DTNBP1: variants seen among roughly 807,000 people sequenced by gnomAD.
DTNBP1 encodes the protein dystrobrevin binding protein 1.
In DTNBP1, 35 loss-of-function variants were observed where a neutral mutation model predicts 42.8. The observed-to-expected ratio is 0.82, with a 90% CI of 0.63 to 1.09. The LOEUF (loss-of-function observed/expected upper bound fraction) is 1.09, where lower values mean the gene tolerates loss of function less well. Ranked by LOEUF, DTNBP1 falls within the 50% of genes least tolerant of loss-of-function variation. The probability of loss-of-function intolerance (pLI) is 0.00; values close to 1 mark genes in which losing one functional copy is unlikely to be tolerated. For synonymous variants in DTNBP1, 171 were observed against 162.2 expected, an observed-to-expected ratio of 1.05 and a Z score of -0.41; for missense variants, 457 against 424.2, an observed-to-expected ratio of 1.08 and a Z score of -0.68.
rs1449103338 is a variant in DTNBP1 at position 15,524,675 on chromosome 6, G to T, written c.668-6C>A. 16 of 1,612,136 alleles carry T rather than the reference G, an allele frequency of 9.9e-6. No individual in the cohort carries two copies. Among genetic ancestry groups the T allele is most frequent in the African/African-American group, 4.0e-5 (3 of 74,894 alleles). ...TGACATGCTGCCTATGGGCTCTGCG[G>T]ATAGATCAACACGAGAAAGGACACG... On this transcript the variant is annotated splice_polypyrimidine_tract_variant and splice_region_variant and intron_variant, in intron 8 of 9. Transcript: ENST00000344537.
chr6:15,531,875 A>G (rs1772854306), intron 8 of DTNBP1, among the ~76,000 whole-genome samples: 1 of 152,080 alleles, frequency 6.6e-6, no homozygotes, highest in Non-Finnish European at 1.5e-5. Context: ...CTCGTGATCC[A>G]CCCACTTCGG....
chr6:15,646,385 A>C (rs1166559976), intron 3 of DTNBP1, among the ~76,000 whole-genome samples: 1 of 151,996 alleles, frequency 6.6e-6, no homozygotes, highest in Non-Finnish European at 1.5e-5. Flanking sequence ...CACGAATGGA[A>C]AAACATTCCA....
At chr6:15,658,987 T>C (rs1761436528) in intron 1 of DTNBP1, among the ~76,000 whole-genome samples, 1 of 152,146 alleles carries the variant, frequency 6.6e-6, no homozygotes, top group Admixed American at 6.5e-5. Context: ...GACATAATTG[T>C]TACTACGCAT....
chr6:15,536,617 A>G (rs1211546560), intron 7 of DTNBP1, among the ~76,000 whole-genome samples: 1 of 152,254 alleles, frequency 6.6e-6, no homozygotes, highest in South Asian at 2.1e-4. Flanking sequence ...TCCAGGCAAA[A>G]GTCTGCTGCA....
chr6:15,659,785 C>T (rs553407331), intron 1 of DTNBP1, among the ~76,000 whole-genome samples: 4 of 152,156 alleles, frequency 2.6e-5, no homozygotes, highest in African/African-American at 9.6e-5. Flanking sequence ...AACTCCTGAC[C>T]TCATGATCCG....
intron 4 of DTNBP1, among the ~76,000 whole-genome samples, chr6:15,634,537 C>T (rs938000648): frequency 6.6e-6 from 1 of 152,054 alleles, no homozygotes; most frequent in Non-Finnish European, 1.5e-5. Flanking sequence ...AGGCTGGTCT[C>T]GAACTCCTGA....
At chr6:15,526,872 G>A (rs1257824127) in intron 8 of DTNBP1, among the ~76,000 whole-genome samples, 1 of 152,234 alleles carries the variant, frequency 6.6e-6, no homozygotes, top group East Asian at 1.9e-4. Flanking sequence ...GGAAAATTCT[G>A]TAGCAACAAA....
intron 5 of DTNBP1, among the ~76,000 whole-genome samples, chr6:15,625,078 T>C (rs1291574424): frequency 1.3e-5 from 2 of 152,202 alleles, no homozygotes; most frequent in Non-Finnish European, 2.9e-5. Flanking sequence ...GGGCTTATTC[T>C]AGGCCAACAA....
chr6:15,627,290 C>T, intron 5 of DTNBP1, 53 bp downstream of exon 5: 2 of 1,604,348 alleles, frequency 1.2e-6, no homozygotes. Flanking sequence ...CCAAACCCTG[C>T]CCAAGTTGTT....
intron 3 of DTNBP1, among the ~76,000 whole-genome samples, chr6:15,647,755 C>T (rs1006350828): frequency 6.6e-6 from 1 of 151,794 alleles, no homozygotes; most frequent in African/African-American, 2.4e-5. Flanking sequence ...AAATGGGAAA[C>T]TGAATCAGTA....
At chr6:15,585,843 G>T in intron 7 of DTNBP1, 1 of 1,488,394 alleles carries the variant, frequency 6.7e-7, no homozygotes, top group Admixed American at 2.1e-5. Flanking sequence ...GCCCTCACGT[G>T]CATCTTCTGG....
At chr6:15,613,716 ACAAATGAAATGTACAGAAAG>A (rs1324111243) in intron 6 of DTNBP1, among the ~76,000 whole-genome samples, 2 of 152,108 alleles carry the variant, frequency 1.3e-5, no homozygotes, top group Non-Finnish European at 2.9e-5. Context: ...TCTTTGTGGG[ACAAATGAAATGTACAGAAAG>A]CACCTCTGGA....
At chr6:15,545,230 T>C (rs1236823584) in intron 7 of DTNBP1, among the ~76,000 whole-genome samples, 1 of 152,218 alleles carries the variant, frequency 6.6e-6, no homozygotes, top group East Asian at 1.9e-4. Context: ...CATGAATTTT[T>C]AAGGTATCAA....
chr6:15,593,170 T>C (rs1375975456), intron 6 of DTNBP1, 89 bp from the exon 7 acceptor site: 2 of 1,193,978 alleles, frequency 1.7e-6, no homozygotes, highest in African/African-American at 3.1e-5. Flanking sequence ...AAAACTTATG[T>C]ACTTTAAATG....
chr6:15,608,867 T>C (rs531741365), intron 6 of DTNBP1, among the ~76,000 whole-genome samples: 85 of 152,342 alleles, frequency 5.6e-4, no homozygotes, highest in Admixed American at 5.9e-4. Flanking sequence ...CCTAGTGTAG[T>C]GAAATTTACA....
At chr6:15,599,154 A>T (rs1444550679) in intron 6 of DTNBP1, among the ~76,000 whole-genome samples, 1 of 152,170 alleles carries the variant, frequency 6.6e-6, no homozygotes, top group Non-Finnish European at 1.5e-5. Flanking sequence ...TTTTACATGA[A>T]AATCTATTTG....
intron 7 of DTNBP1, among the ~76,000 whole-genome samples, chr6:15,537,215 T>A (rs889381478): frequency 1.3e-5 from 2 of 151,998 alleles, no homozygotes; most frequent in African/African-American, 4.8e-5. Context: ...GGTCAGGAGT[T>A]CAAGACCAGC....
At chr6:15,533,187 C>T (rs1489276807) in intron 8 of DTNBP1, 53 bp downstream of exon 8, 1 of 1,608,104 alleles carries the variant, frequency 6.2e-7, no homozygotes, top group African/African-American at 1.3e-5. Context: ...GGGTCCATCG[C>T]CACCCCGCAC....
At chr6:15,572,092 T>C (rs973726455) in intron 7 of DTNBP1, among the ~76,000 whole-genome samples, 29 of 152,312 alleles carry the variant, frequency 1.9e-4, no homozygotes, top group Middle Eastern at 3.4e-3. Context: ...GAATTATAAT[T>C]AGCATGAATT....
Sources: gnomAD v4.1 joint callset for allele counts (sites outside exome capture counted in the v4.1 genomes callset) on GRCh38, gnomAD v4.1.1 for gene constraint, MANE v1.5 for transcripts, NCBI Gene and HGNC (gene_info 2026-07-23, HGNC 2026-07-21) for gene names.